Variants in ZFR observed in about 807,000 individuals in gnomAD.
ZFR encodes the protein zinc finger RNA binding protein, also known as zinc finger RNA-binding protein.
In ZFR, 19 loss-of-function variants were observed where a neutral mutation model predicts 130.7. The observed-to-expected ratio is 0.15, with a 90% CI of 0.10 to 0.21. The LOEUF (loss-of-function observed/expected upper bound fraction) is 0.21. ZFR is among the 10% of genes least tolerant of loss of function. ZFR has a pLI of 1.00. For synonymous variants in ZFR, 466 were observed against 456.9 expected, an observed-to-expected ratio of 1.02 and a Z score of -0.25; for missense variants, 872 against 1,321.5, an observed-to-expected ratio of 0.66 and a Z score of 5.27.
At chr5:32,423,546 T>A (rs1266332015) in intron 2 of ZFR, among the ~76,000 whole-genome samples, 1 of 151,636 alleles carries the variant, frequency 6.6e-6, no homozygotes, top group Non-Finnish European at 1.5e-5. Flanking sequence ...AAGATAAAGT[T>A]GAGAAATAGA....
intron 2 of ZFR, among the ~76,000 whole-genome samples, chr5:32,429,912 AT>A (rs752836484): frequency 6.0e-5 from 9 of 151,076 alleles, no homozygotes; most frequent in African/African-American, 1.5e-4. Context: ...TTAAAAAAAA[AT>A]TTTTTTTTGT....
At chr5:32,415,956 C>T (rs1431234954) in intron 4 of ZFR, among the ~76,000 whole-genome samples, 1 of 140,092 alleles carries the variant, frequency 7.1e-6, no homozygotes, top group African/African-American at 2.7e-5. Flanking sequence ...AGTAAAAGTA[C>T]ATTAGAACTT....
rs1753912368 is a variant in ZFR, at chr5:32,419,833, T to G, written c.408A>C (p.Thr136=). The change falls in exon 3 of 20, where the codon ACA becomes ACC. Residue 136 remains threonine (T), a synonymous_variant. Transcript: ENST00000265069. ...GTAGTTTTCTTACCTGGTAGTTTTGTGTAGTAGCTGGGGGTGGTGGTGGTG... is the reference window on the plus strand; with the variant it reads ...GTAGTTTTCTTACCTGGTAGTTTTGGGTAGTAGCTGGGGGTGGTGGTGGTG... ...EAPPPPPPAT[T]QNYQDSYSYV... 2 of 1,600,794 alleles carry G rather than the reference T, an allele frequency of 1.2e-6. No individual in the cohort carries two copies. Among genetic ancestry groups the G allele is most frequent in the Non-Finnish European group, 1.7e-6 (2 of 1,171,756 alleles).
intron 2 of ZFR, among the ~76,000 whole-genome samples, chr5:32,429,059 A>G (rs1449133961): frequency 7.0e-6 from 1 of 142,352 alleles, no homozygotes; most frequent in Non-Finnish European, 1.5e-5. Flanking sequence ...GATCTCGGCT[A>G]GCTGCAAGCT....
intron 2 of ZFR, among the ~76,000 whole-genome samples, chr5:32,436,140 C>CTTTTTTTTTTT (rs370998112): frequency 1.1e-5 from 1 of 91,800 alleles, no homozygotes; most frequent in Non-Finnish European, 2.0e-5. Context: ...CAGTTGTATT[C>CTTTTTTTTTTT]TTTTTTTTTT....
At chr5:32,414,794 C>T (rs1753782872) in intron 5 of ZFR, among the ~76,000 whole-genome samples, 175 bp downstream of exon 5, 1 of 152,018 alleles carries the variant, frequency 6.6e-6, no homozygotes, top group South Asian at 2.1e-4. Flanking sequence ...CTCCCCACGC[C>T]CCCAAAAAAG....
intron 15 of ZFR, among the ~76,000 whole-genome samples, chr5:32,383,398 C>T (rs1463686215): frequency 6.6e-6 from 1 of 152,172 alleles, no homozygotes; most frequent in Non-Finnish European, 1.5e-5. Context: ...ACTTAACTTG[C>T]TGCAGAAAAG....
At chr5:32,414,744 A>T (rs569160654) in intron 5 of ZFR, among the ~76,000 whole-genome samples, 93 of 152,168 alleles carry the variant, frequency 6.1e-4, no homozygotes, top group Middle Eastern at 3.2e-3. Flanking sequence ...ATGAGCCTTA[A>T]AACCCCCAAG....
intron 5 of ZFR, 72 bp downstream of exon 5, chr5:32,414,897 A>G: frequency 7.4e-7 from 1 of 1,347,938 alleles, no homozygotes; most frequent in South Asian, 1.4e-5. Context: ...AATTTCAAAG[A>G]CAATCAAGAT....
intron 17 of ZFR, among the ~76,000 whole-genome samples, chr5:32,372,195 G>A (rs955218133): frequency 2.0e-5 from 3 of 152,184 alleles, no homozygotes; most frequent in African/African-American, 7.2e-5. Context: ...TCTCACAGGG[G>A]AAGGAAAAGA....
chr5:32,389,345 C>A (rs1753110701), intron 12 of ZFR, among the ~76,000 whole-genome samples: 1 of 152,094 alleles, frequency 6.6e-6, no homozygotes, highest in South Asian at 2.1e-4. Flanking sequence ...AAATTTCTTT[C>A]TATTAAAAAA....
chr5:32,379,803 C>T (rs1752896968), intron 16 of ZFR: 1 of 294,912 alleles, frequency 3.4e-6, no homozygotes, highest in South Asian at 7.4e-5. Flanking sequence ...TGTTCCTAAA[C>T]AAGTCAACTT....
intron 3 of ZFR, among the ~76,000 whole-genome samples, chr5:32,419,341 A>AT (rs796098986): frequency 4.2e-4 from 62 of 148,716 alleles, no homozygotes; most frequent in Non-Finnish European, 6.9e-4. Flanking sequence ...ATTGCAAGGA[A>AT]TTTTTTTTTT....
intron 5 of ZFR, 140 bp downstream of exon 5, chr5:32,414,829 T>G: frequency 1.4e-6 from 1 of 716,664 alleles, no homozygotes; most frequent in Non-Finnish European, 2.2e-6. Flanking sequence ...AACAGTCACA[T>G]TATGTACCTA....
chr5:32,396,120 G>C (rs760557377), intron 10 of ZFR, among the ~76,000 whole-genome samples: 1 of 151,546 alleles, frequency 6.6e-6, no homozygotes, highest in Non-Finnish European at 1.5e-5. Context: ...TTGGGAGGCT[G>C]CGGTGGGAGG....
At chr5:32,357,469 T>C (rs1752339834) in intron 19 of ZFR, among the ~76,000 whole-genome samples, 1 of 152,192 alleles carries the variant, frequency 6.6e-6, no homozygotes, top group Non-Finnish European at 1.5e-5. Flanking sequence ...TTTCACCATG[T>C]TGGCCAGGCT....
intron 2 of ZFR, among the ~76,000 whole-genome samples, chr5:32,435,305 G>A (rs1754309669): frequency 6.6e-6 from 1 of 152,188 alleles, no homozygotes; most frequent in Admixed American, 6.5e-5. Flanking sequence ...TTCACACTGA[G>A]TGAGATGGGA....
At chr5:32,406,710 G>A (rs1166377422) in intron 6 of ZFR, 64 bp downstream of exon 6, 1 of 1,542,206 alleles carries the variant, frequency 6.5e-7, no homozygotes, top group African/African-American at 1.4e-5. Context: ...AGGCTCAGGA[G>A]TTAGAATACC....
chr5:32,376,614 A>C (rs1236416112), intron 17 of ZFR, among the ~76,000 whole-genome samples: 1 of 150,898 alleles, frequency 6.6e-6, no homozygotes, highest in Non-Finnish European at 1.5e-5. Context: ...TGTCAAAAAA[A>C]AAGAAAAAAA....
Sources: gnomAD v4.1 joint callset for allele counts (sites outside exome capture counted in the v4.1 genomes callset) on GRCh38, gnomAD v4.1.1 for gene constraint, MANE v1.5 for transcripts, NCBI Gene and HGNC (gene_info 2026-07-23, HGNC 2026-07-21) for gene names.